The following PEX6 variants were observed in gnomAD, a reference collection of about 807,000 sequenced individuals.
PEX6 encodes peroxisome biogenesis factor 6.
In PEX6, 55 loss-of-function variants were observed where a neutral mutation model predicts 85.6. That is an observed-to-expected ratio of 0.64 (90% CI 0.52 to 0.80). PEX6 has a LOEUF of 0.80. PEX6 is among the 30% of genes least tolerant of loss of function. The probability of loss-of-function intolerance (pLI) is 0.00; values close to 1 mark genes in which losing one functional copy is unlikely to be tolerated. For synonymous variants in PEX6, 519 were observed against 549.1 expected, an observed-to-expected ratio of 0.95 and a Z score of 0.77; for missense variants, 1,099 against 1,260.3, an observed-to-expected ratio of 0.87 and a Z score of 1.94.
chr6:42,975,703 C>T (rs1442944924), intron 1 of PEX6, among the ~76,000 whole-genome samples: 4 of 151,594 alleles, frequency 2.6e-5, no homozygotes, highest in Non-Finnish European at 5.9e-5. Context: ...AACTAAAAAA[C>T]ATGATTTAGT....
At position 42,978,305 on chromosome 6, in the gene PEX6, GC is replaced by G. The variant is rs780949170; in HGVS notation, c.845del (p.Gly282AlafsTer69). On this transcript the variant is annotated frameshift_variant, in exon 1 of 17. Transcript: ENST00000304611. LOFTEE classifies it high-confidence loss of function. ...GCTCTCCCATTTCCAGGGGGTCACA[GC>G]CAAGATTAAAAGCCAAAGTGGCAGG... ...LVPATLAFNL[G>X]CDPLEMGELR... The G allele has an allele frequency of 1.2e-6, 2 of 1,614,196 alleles. No homozygotes were observed. The highest frequency in any genetic ancestry group is 1.7e-6 in the Non-Finnish European group (2 of 1,180,038).
intron 8 of PEX6, 38 bp from the exon 9 acceptor site, chr6:42,966,896 A>G (rs1429401275): frequency 3.9e-6 from 6 of 1,541,730 alleles, no homozygotes; most frequent in Non-Finnish European, 5.3e-6. Context: ...AGCAGGGCAC[A>G]GTAGGCAGGA....
In PEX6 at chr6:42,965,083, G is replaced by T. The variant is rs2114236956; in HGVS notation, c.2658C>A (p.Ile886=). ...CCTCTAACAGAGCATACTTGCGTGT[G>T]ATGGCACTTAGAACGCGTAGCTGGG... ...RASQLRVLSA[I]TRKFKLEPSV... The change falls in exon 15 of 17, where the codon ATC becomes ATA. Residue 886 remains isoleucine (I), a synonymous_variant. Coordinates refer to ENST00000304611, the MANE Select transcript of PEX6 (RefSeq NM_000287.4). This position sits in a 1 kb window ranked among gnomAD's most constrained non-coding sequence, Gnocchi z 5.0. 1 of 1,614,164 alleles carries T rather than the reference G, an allele frequency of 6.2e-7. No individual in the cohort carries two copies. Among genetic ancestry groups the T allele is most frequent in the South Asian group, 1.1e-5 (1 of 91,090 alleles).
At position 42,973,985 on chromosome 6, in the gene PEX6, C is replaced by G. The variant is rs201799034; in HGVS notation, c.1130+18G>C. The G allele has an allele frequency of 1.9e-6, 3 of 1,585,224 alleles. No individual in the cohort carries two copies. The African/African-American group carries it at 4.0e-5, about 21-fold the overall frequency. ...CAGGTTACAAATCCCAGCTGTAGGA[C>G]AGAAGGCAGCTGCATACCTGGGCAG... On this transcript the variant is annotated intron_variant, in intron 3 of 16. Coordinates refer to ENST00000304611, the MANE Select transcript of PEX6 (RefSeq NM_000287.4).
At position 42,966,289 on chromosome 6, in the gene PEX6, G is replaced by A. The variant is rs369174722; in HGVS notation, c.2253C>T (p.Thr751=). 6.2e-7 allele frequency: 1 copy of A among 1,612,382 alleles called. No individual in the cohort carries two copies. Among genetic ancestry groups the A allele is most frequent in the East Asian group, 2.2e-5 (1 of 44,868 alleles). ...CAGTGGCTACTGCCTTGGCCAGAAGGGTCTTGCCGGTGCCAGGGGGCCCAT... is the reference window on the plus strand; with the variant it reads ...CAGTGGCTACTGCCTTGGCCAGAAGAGTCTTGCCGGTGCCAGGGGGCCCAT... ...LLHGPPGTGK[T]LLAKAVATEC... is the part of the protein sequence containing the mutation. Residue 751 remains threonine, a synonymous_variant, in exon 11 of 17, where the codon ACC becomes ACT. Coordinates refer to ENST00000304611, the MANE Select transcript of PEX6 (RefSeq NM_000287.4).
Position 42,964,765 on chromosome 6 carries a change from C to T in PEX6, c.2806+25G>A. ...AGCTCCCCACTAGCTTTTTGGTTGA[C>T]CTCTCAGACCGGCAAGTGGCTCACC... On this transcript the variant is annotated intron_variant, in intron 16 of 16. Transcript: ENST00000304611. The surrounding 1 kb of genome is among the most constrained non-coding windows in gnomAD (Gnocchi z 4.6). The T allele has an allele frequency of 1.2e-6, 2 of 1,613,856 alleles. No individual in the cohort carries two copies. The highest frequency in any genetic ancestry group is 1.7e-6 in the Non-Finnish European group (2 of 1,179,956).
intron 5 of PEX6, 150 bp downstream of exon 5, chr6:42,969,518 T>C: frequency 1.1e-6 from 1 of 906,760 alleles, no homozygotes; most frequent in Non-Finnish European, 1.8e-6. Context: ...AGGAGTGGCC[T>C]GGTGGCCTTG....
chr6:42,969,638 C>G (rs1443739791), intron 5 of PEX6, 30 bp downstream of exon 5: 1 of 1,612,038 alleles, frequency 6.2e-7, no homozygotes, highest in Admixed American at 1.7e-5. Flanking sequence ...GCAGGCTTTT[C>G]TCACACCCTG....
intron 4 of PEX6, 27 bp downstream of exon 4, chr6:42,969,858 G>T: frequency 6.2e-7 from 1 of 1,614,084 alleles, no homozygotes; most frequent in South Asian, 1.1e-5. Context: ...CCCCTGCGCT[G>T]GTCTACACCC....
In PEX6 at chr6:42,978,403, C is replaced by A; in HGVS notation, c.748G>T (p.Asp250Tyr). ...CCGGGTCCCAGTCTATCAGAGAGGT[C>A]CCAGCGAGGTTCTAGGACCTGCACC... Reference protein sequence around the residue: ...ARVQVLEPRWDLSDRLGPGSG... With the variant: ...ARVQVLEPRWYLSDRLGPGSG... Residue 250 changes from aspartate to tyrosine, a missense_variant, in exon 1 of 17, where the codon GAC becomes TAC. Transcript: ENST00000304611. 6.2e-7 allele frequency: 1 copy of A among 1,614,164 alleles called. No homozygotes were observed. Among genetic ancestry groups the A allele is most frequent in the Non-Finnish European group, 8.5e-7 (1 of 1,180,018 alleles).
intron 7 of PEX6, among the ~76,000 whole-genome samples, 161 bp from the exon 8 acceptor site, chr6:42,967,724 G>A (rs558952408): frequency 6.6e-6 from 1 of 152,210 alleles, no homozygotes; most frequent in Admixed American, 6.5e-5. Context: ...GGGGAACTGT[G>A]TTTCCCCCAT....
chr6:42,966,627 C>G lies in PEX6; in HGVS notation c.1992G>C (p.Glu664Asp), dbSNP rs267608230. The G allele has an allele frequency of 2.5e-5, 40 of 1,614,066 alleles. No individual in the cohort carries two copies. Among genetic ancestry groups the G allele is most frequent in the East Asian group, 8.9e-5 (4 of 44,896 alleles). ...GLAGGLTEED[E>D]GELCAAGFPL... is the part of the protein sequence containing the mutation. The stretch of plus-strand genomic sequence containing the variant: ...GAAAGCCGGCAGCACACAGCTCCCC[C>G]TCATCCTCCTCAGTCAAGCCACCTG... Residue 664 changes from glutamate to aspartate, a missense_variant, in exon 10 of 17, where the codon GAG (glutamate) becomes GAC (aspartate). Coordinates refer to ENST00000304611, the MANE Select transcript of PEX6 (RefSeq NM_000287.4).
Position 42,965,448 on chromosome 6 carries a change from G to T in PEX6, c.2472-80C>A. On this transcript the variant is annotated intron_variant, in intron 13 of 16. Coordinates refer to ENST00000304611, the MANE Select transcript of PEX6 (RefSeq NM_000287.4). This position sits in a 1 kb window ranked among gnomAD's most constrained non-coding sequence, Gnocchi z 5.0. ...CCTGCCTGTGGTACCTCTCTTTACA[G>T]GCAGTCTCAACAGGGCCCTCCACTC... is the stretch of plus-strand genomic sequence containing the variant. The T allele has an allele frequency of 8.8e-7, 1 of 1,140,184 alleles. No homozygotes were observed. Among genetic ancestry groups the T allele is most frequent in the Non-Finnish European group, 1.3e-6 (1 of 751,068 alleles). 70.6% of individuals were successfully genotyped at this position (1,140,184 alleles called of 1,614,324 possible).
At chr6:42,966,928 G>T in intron 8 of PEX6, 70 bp from the exon 9 acceptor site, 1 of 1,160,304 alleles carries the variant, frequency 8.6e-7, no homozygotes, top group Non-Finnish European at 1.3e-6. Context: ...CCGTCCCCCA[G>T]CTAGAGCAGA....
At chr6:42,974,451 G>GTTTTTTTTTTTT (rs541877938) in intron 2 of PEX6, among the ~76,000 whole-genome samples, 7 of 61,016 alleles carry the variant, frequency 1.1e-4, no homozygotes, top group Non-Finnish European at 2.0e-4. Context: ...TGTTTTTTTT[G>GTTTTTTTTTTTT]TTTTTTTTTT....
rs1769711405 is a variant in PEX6, at chr6:42,965,131, C to T, written c.2610G>A (p.Val870=). The T allele has an allele frequency of 4.3e-6, 7 of 1,614,236 alleles. No homozygotes were observed. In the South Asian group the frequency reaches 7.7e-5, roughly 18 times the overall value. ...RPGRFDKLVF[V]GANEDRASQL... is the part of the protein sequence containing the mutation. Reference sequence around the variant, plus strand: ...GGGAGGCCCGGTCCTCATTTGCCCCCACAAACACCAGCTTGTCAAATCTTT... The same window carrying T: ...GGGAGGCCCGGTCCTCATTTGCCCCTACAAACACCAGCTTGTCAAATCTTT... The change falls in exon 15 of 17, where the codon GTG becomes GTA. Residue 870 remains valine (V), a synonymous_variant. Transcript: ENST00000304611. The surrounding 1 kb of genome is among the most constrained non-coding windows in gnomAD (Gnocchi z 5.0).
At position 42,978,407 on chromosome 6, in the gene PEX6, G is replaced by C. The variant is rs1420756297; in HGVS notation, c.744C>G (p.Arg248=). ...GTCCCAGTCTATCAGAGAGGTCCCA[G>C]CGAGGTTCTAGGACCTGCACCCTAG... ...HLARVQVLEP[R]WDLSDRLGPG... The change falls in exon 1 of 17, where the codon CGC becomes CGG. Residue 248 remains arginine, a synonymous_variant. Coordinates refer to ENST00000304611, the MANE Select transcript of PEX6 (RefSeq NM_000287.4). 1.9e-6 allele frequency: 3 copies of C among 1,614,112 alleles called. No individual in the cohort carries two copies. Among genetic ancestry groups the C allele is most frequent in the South Asian group, 1.1e-5 (1 of 91,092 alleles).
chr6:42,965,627 T>G lies in PEX6; in HGVS notation c.2471+54A>C. 7.9e-7 allele frequency: 1 copy of G among 1,260,412 alleles called. No homozygotes were observed. Among genetic ancestry groups the G allele is most frequent in the South Asian group, 1.2e-5 (1 of 83,830 alleles). The allele number at this position is 1,260,412 out of a possible 1,614,324, so 78.1% of individuals were successfully genotyped here. A position where few individuals can be genotyped will look rare whatever the true frequency, so the allele number is the denominator to read the frequency against. On this transcript the variant is annotated intron_variant, in intron 13 of 16. Coordinates refer to ENST00000304611, the MANE Select transcript of PEX6 (RefSeq NM_000287.4). The surrounding 1 kb of genome is among the most constrained non-coding windows in gnomAD (Gnocchi z 5.0). ...ACTCTGAAGACTGCTGTGAGCTTTC[T>G]CATATCCTTCCCACCCTGGACCCCT...
chr6:42,966,677 G>A lies in PEX6; in HGVS notation c.1962-20C>T. 1 of 1,614,096 alleles carries A rather than the reference G, an allele frequency of 6.2e-7. No individual in the cohort carries two copies. The highest frequency in any genetic ancestry group is 2.2e-5 in the East Asian group (1 of 44,872). ...GCCAAACTGCAAAGAGGAACACAGG[G>A]AAGCCTCCTCACCATCAGCGTCCCA... On this transcript the variant is annotated intron_variant, in intron 9 of 16. Coordinates refer to ENST00000304611, the MANE Select transcript of PEX6 (RefSeq NM_000287.4).
Sources: allele counts gnomAD v4.1 joint callset (sites outside exome capture counted in the v4.1 genomes callset), GRCh38; gene constraint gnomAD v4.1.1; non-coding constraint Gnocchi (gnomAD v3.1); transcripts MANE v1.5; gene names NCBI Gene and HGNC (gene_info 2026-07-23, HGNC 2026-07-21).